Variants in TMEM45A observed in about 807,000 individuals in gnomAD.
TMEM45A encodes transmembrane protein 45A.
In TMEM45A, 25 loss-of-function variants were observed where a neutral mutation model predicts 32.0. The ratio of observed to expected loss-of-function variants is 0.78; its 90% CI spans 0.57 to 1.09. TMEM45A has a LOEUF of 1.09. Ranked by LOEUF, TMEM45A falls within the 50% of genes least tolerant of loss-of-function variation. TMEM45A has a pLI of 0.00. For missense variants in TMEM45A, 302 were observed against 325.0 expected, an observed-to-expected ratio of 0.93 and a Z score of 0.54; for synonymous variants, 122 against 114.8, an observed-to-expected ratio of 1.06 and a Z score of -0.40.
At chr3:100,563,155 T>G (rs1706368339) in intron 4 of TMEM45A, among the ~76,000 whole-genome samples, 2 of 152,228 alleles carry the variant, frequency 1.3e-5, no homozygotes, top group Non-Finnish European at 1.5e-5. Flanking sequence ...CAGCCATCCT[T>G]GGCATTCCTT....
At chr3:100,553,007 T>C (rs915306590) in intron 1 of TMEM45A, among the ~76,000 whole-genome samples, 3 of 152,220 alleles carry the variant, frequency 2.0e-5, no homozygotes, top group African/African-American at 7.2e-5. Flanking sequence ...TCTATATCCA[T>C]CTTAGTATCT....
At chr3:100,559,322 A>G (rs1245395730) in intron 4 of TMEM45A, among the ~76,000 whole-genome samples, 1 of 152,228 alleles carries the variant, frequency 6.6e-6, no homozygotes, top group Non-Finnish European at 1.5e-5. Context: ...AGAGATTTTT[A>G]GTCACCAGAG....
intron 5 of TMEM45A, among the ~76,000 whole-genome samples, chr3:100,576,374 C>T (rs9870803): frequency 0.21 from 31,815 of 152,024 alleles, 4,246 homozygotes; most frequent in African/African-American, 0.36. Context: ...TGCTTGAACC[C>T]GGGAAGCAGA....
intron 1 of TMEM45A, among the ~76,000 whole-genome samples, chr3:100,517,643 G>A (rs1708286187): frequency 6.6e-6 from 1 of 152,158 alleles, no homozygotes; most frequent in African/African-American, 2.4e-5. Flanking sequence ...GAGCATCTAA[G>A]GTGATATTCT....
At chr3:100,574,596 C>T (rs185411307) in intron 5 of TMEM45A, 3 of 152,370 alleles carry the variant, frequency 2.0e-5, no homozygotes, top group East Asian at 1.9e-4. Flanking sequence ...TACAGCCCGT[C>T]GTCTTCACCA....
Position 100,558,432 on chromosome 3 carries a change from G to A in TMEM45A, c.431G>A (p.Gly144Asp), listed in dbSNP as rs1421403947. ...EAFIFYNHTH[G>D]REMLDIFVHQ... ...TTTATCTTCTACAACCACACTCATG[G>A]CCGGGAAATGCTGGACATCTTTGTG... The change falls in exon 4 of 6, where the codon GGC becomes GAC. Residue 144 changes from glycine to aspartate, a missense_variant. Physicochemically the swap from Gly to Asp is moderately conservative, Grantham distance 94. Transcript: ENST00000323523. The A allele has an allele frequency of 1.5e-5, 24 of 1,613,720 alleles. No homozygotes were observed. Among genetic ancestry groups the A allele is most frequent in the Non-Finnish European group, 1.9e-5 (23 of 1,180,018 alleles).
chr3:100,560,919 G>A (rs1264268641), intron 4 of TMEM45A, among the ~76,000 whole-genome samples: 4 of 152,134 alleles, frequency 2.6e-5, no homozygotes, highest in Non-Finnish European at 5.9e-5. Flanking sequence ...GCAGATAAAT[G>A]TTTTCATATT....
intron 1 of TMEM45A, among the ~76,000 whole-genome samples, chr3:100,539,456 T>TATATGCATATGCATATGCATATGC (rs1553682675): frequency 7.1e-5 from 6 of 84,522 alleles, no homozygotes; most frequent in Admixed American, 2.0e-4. Flanking sequence ...TATGTATATG[T>TATATGCATATGCATATGCATATGC]ATATGTATAT....
intron 2 of TMEM45A, 121 bp downstream of exon 2, chr3:100,555,522 C>G (rs1706202338): frequency 9.9e-7 from 1 of 1,013,060 alleles, no homozygotes; most frequent in Non-Finnish European, 1.4e-6. Flanking sequence ...AGAATAAACC[C>G]TATCAAAAAC....
At chr3:100,515,318 G>T (rs1289642290) in intron 1 of TMEM45A, among the ~76,000 whole-genome samples, 1 of 151,838 alleles carries the variant, frequency 6.6e-6, no homozygotes, top group Non-Finnish European at 1.5e-5. Flanking sequence ...ATGAGTTCAC[G>T]TGCTTTGTAG....
At chr3:100,547,131 CT>C (rs1204956807) in intron 1 of TMEM45A, among the ~76,000 whole-genome samples, 1 of 151,134 alleles carries the variant, frequency 6.6e-6, no homozygotes, top group Admixed American at 6.6e-5. Flanking sequence ...TATTTTTTTT[CT>C]TTTTTTTGAG....
At chr3:100,548,524 C>T (rs1194440851) in intron 1 of TMEM45A, among the ~76,000 whole-genome samples, 3 of 152,184 alleles carry the variant, frequency 2.0e-5, no homozygotes, top group Non-Finnish European at 4.4e-5. Flanking sequence ...TTTCCACTGT[C>T]CCCTGGTCAC....
chr3:100,569,971 C>G (rs923830349), intron 5 of TMEM45A, among the ~76,000 whole-genome samples: 7 of 152,198 alleles, frequency 4.6e-5, no homozygotes, highest in Non-Finnish European at 1.0e-4. Flanking sequence ...GTTCCTTTCT[C>G]TAAGGTGGTT....
rs1428065735 is a variant in TMEM45A, at chr3:100,555,333, G to A, written c.122G>A (p.Gly41Asp). The change falls in exon 2 of 6, where the codon GGT becomes GAT. Residue 41 changes from glycine to aspartate, a missense_variant. By Grantham distance (94) the Gly-to-Asp change is moderately conservative (BLOSUM62 -1). Coordinates refer to ENST00000323523, the MANE Select transcript of TMEM45A (RefSeq NM_018004.3). ...AAGCAAAAGCGAACCTGCTATCTTGGTTCCAAAACATTATTCTATCGATTG... is the reference window on the plus strand; with the variant it reads ...AAGCAAAAGCGAACCTGCTATCTTGATTCCAAAACATTATTCTATCGATTG... ...CKKQKRTCYLGSKTLFYRLEI... is the reference protein window; with the variant it reads ...CKKQKRTCYLDSKTLFYRLEI... The A allele has an allele frequency of 6.2e-7, 1 of 1,613,986 alleles. No homozygotes were observed. The highest frequency in any genetic ancestry group is 1.3e-5 in the African/African-American group (1 of 75,032).
At chr3:100,546,857 G>A (rs559719388) in intron 1 of TMEM45A, among the ~76,000 whole-genome samples, 1 of 152,282 alleles carries the variant, frequency 6.6e-6, no homozygotes, top group Admixed American at 6.5e-5. Context: ...CAAGGACTTT[G>A]AAATCCTGGC....
intron 1 of TMEM45A, among the ~76,000 whole-genome samples, chr3:100,544,089 T>G (rs72945247): frequency 0.014 from 2,063 of 152,098 alleles, 35 homozygotes; most frequent in African/African-American, 0.047. Flanking sequence ...TTTTTTTTTT[T>G]GCTATTATAC....
intron 3 of TMEM45A, among the ~76,000 whole-genome samples, chr3:100,557,752 T>C (rs1324150820): frequency 6.6e-6 from 1 of 152,222 alleles, no homozygotes; most frequent in African/African-American, 2.4e-5. Context: ...GTTCTCATTA[T>C]CTCAGGGGGT....
chr3:100,549,746 G>A (rs115209621), intron 1 of TMEM45A, among the ~76,000 whole-genome samples: 1,551 of 152,228 alleles, frequency 0.01, 25 homozygotes, highest in African/African-American at 0.036. Context: ...ATCCTTAAGA[G>A]TGTGATATTC....
In TMEM45A at chr3:100,492,755, T is replaced by TCCCCCCCCCCCCCCCCCCCCCCCCC. The variant is rs755848570; in HGVS notation, c.-175_-174insCCCCCCCCCCCCCCCCCCCCCCCCC. 7.0e-6 allele frequency: 1 copy of TCCCCCCCCCCCCCCCCCCCCCCCCC among 143,520 alleles called. No individual in the cohort carries two copies. The highest frequency in any genetic ancestry group is 2.7e-5 in the African/African-American group (1 of 36,840). The allele number at this position is 143,520 out of a possible 1,614,324, so 8.9% of individuals were successfully genotyped here. On this transcript the variant is annotated 5_prime_UTR_variant, in exon 1 of 6. Coordinates refer to ENST00000323523, the MANE Select transcript of TMEM45A (RefSeq NM_018004.3). ...CGACTAGGGACCCAAGTTTAAAAAT[T>TCCCCCCCCCCCCCCCCCCCCCCCCC]CCTCCCCCCACCCAATGCGAGACGT... is the stretch of plus-strand genomic sequence containing the variant.
Sources: gnomAD v4.1 joint callset for allele counts (sites outside exome capture counted in the v4.1 genomes callset) on GRCh38, gnomAD v4.1.1 for gene constraint, MANE v1.5 for transcripts, NCBI Gene and HGNC (gene_info 2026-07-23, HGNC 2026-07-21) for gene names.